Variants in FRMD4A observed in about 807,000 individuals in gnomAD.
The protein encoded by FRMD4A is FERM domain containing 4A, also known as FERM domain-containing protein 4A.
In FRMD4A, 29 loss-of-function variants were observed where a neutral mutation model predicts 129.1. That is an observed-to-expected ratio of 0.22 (90% CI 0.17 to 0.31). The LOEUF is 0.31. Among genes scored for constraint, FRMD4A ranks in the 10% least tolerant of loss-of-function variants. The pLI is 1.00. For missense variants in FRMD4A, 1,272 were observed against 1,375.8 expected, an observed-to-expected ratio of 0.92 and a Z score of 1.19; for synonymous variants, 634 against 571.6, an observed-to-expected ratio of 1.11 and a Z score of -1.56.
chr10:14,018,455 CAAAAAAAAA>C (rs71388151), intron 2 of FRMD4A, among the ~76,000 whole-genome samples: 5 of 59,274 alleles, frequency 8.4e-5, no homozygotes, highest in Non-Finnish European at 1.2e-4. Context: ...GACTCCATCT[CAAAAAAAAA>C]AAAAAAAAAA....
chr10:14,057,498 A>T (rs1174382360), intron 2 of FRMD4A, among the ~76,000 whole-genome samples: 1 of 152,200 alleles, frequency 6.6e-6, no homozygotes, highest in Non-Finnish European at 1.5e-5. Context: ...GTCAAGCAAG[A>T]CAAAAGTCAA....
chr10:14,043,444 T>G (rs552405088), intron 2 of FRMD4A, among the ~76,000 whole-genome samples: 1 of 152,240 alleles, frequency 6.6e-6, no homozygotes, highest in African/African-American at 2.4e-5. Flanking sequence ...TTTCACTCCC[T>G]GCCCACTGAT....
intron 2 of FRMD4A, among the ~76,000 whole-genome samples, chr10:14,162,641 G>GTTTTTTTTTTTTTTTTTTTTTTTTTTTT (rs71388160): frequency 1.7e-5 from 2 of 118,396 alleles, no homozygotes; most frequent in Admixed American, 9.0e-5. Context: ...TTTTTTTTTT[G>GTTTTTTTTTTTTTTTTTTTTTTTTTTTT]TTTTTTTTTT....
intron 2 of FRMD4A, among the ~76,000 whole-genome samples, chr10:14,048,857 GAATAGAATAGA>G (rs1565210994): frequency 7.7e-6 from 1 of 129,430 alleles, no homozygotes. Context: ...GAATAGAATA[GAATAGAATAGA>G]ATAGAATAGA....
intron 2 of FRMD4A, among the ~76,000 whole-genome samples, chr10:14,239,577 A>G (rs887598313): frequency 3.3e-5 from 5 of 152,076 alleles, no homozygotes; most frequent in African/African-American, 1.2e-4. Flanking sequence ...CAGTGAGCCG[A>G]GATTGCGCCA....
chr10:13,811,797 G>A (rs1056434456), intron 3 of FRMD4A, among the ~76,000 whole-genome samples: 1 of 151,940 alleles, frequency 6.6e-6, no homozygotes, highest in Non-Finnish European at 1.5e-5. Context: ...TCCAGGTCAT[G>A]CATTTGAAAA....
intron 2 of FRMD4A, among the ~76,000 whole-genome samples, chr10:14,051,154 C>T (rs966405038): frequency 6.6e-6 from 1 of 152,206 alleles, no homozygotes; most frequent in Non-Finnish European, 1.5e-5. Context: ...ATAGCCTAAC[C>T]AAAATGCAGT....
At chr10:14,180,548 A>G (rs144862054) in intron 2 of FRMD4A, among the ~76,000 whole-genome samples, 2 of 152,348 alleles carry the variant, frequency 1.3e-5, no homozygotes, top group Non-Finnish European at 2.9e-5. Context: ...CAAATGAGTG[A>G]GACTAGCCAA....
chr10:14,326,533 T>C (rs889642592), intron 2 of FRMD4A: 2 of 251,602 alleles, frequency 7.9e-6, no homozygotes, highest in Middle Eastern at 1.2e-3. Flanking sequence ...AGACACTTCA[T>C]TTATAGAAAA....
intron 2 of FRMD4A, among the ~76,000 whole-genome samples, chr10:13,968,950 T>A (rs760100610): frequency 2.0e-5 from 3 of 152,230 alleles, no homozygotes; most frequent in Non-Finnish European, 2.9e-5. Context: ...CTTGGCTCTT[T>A]CCTGTGAGAC....
intron 12 of FRMD4A, among the ~76,000 whole-genome samples, chr10:13,718,888 A>G (rs1005933569): frequency 2.6e-5 from 4 of 152,194 alleles, no homozygotes; most frequent in African/African-American, 7.2e-5. Context: ...TTCCTCAACC[A>G]GACTCAAATT....
chr10:13,671,444 ACT>A (rs1422533427), intron 16 of FRMD4A, among the ~76,000 whole-genome samples: 2 of 151,990 alleles, frequency 1.3e-5, no homozygotes, highest in Non-Finnish European at 2.9e-5. Context: ...ACAGATCGAG[ACT>A]CTGTTTATTA....
At chr10:14,139,042 T>C (rs1839697213) in intron 2 of FRMD4A, among the ~76,000 whole-genome samples, 1 of 152,234 alleles carries the variant, frequency 6.6e-6, no homozygotes, top group South Asian at 2.1e-4. Context: ...TCTAATGCAA[T>C]GAGTAGCATT....
At chr10:14,265,225 C>T (rs925281343) in intron 2 of FRMD4A, among the ~76,000 whole-genome samples, 1 of 152,162 alleles carries the variant, frequency 6.6e-6, no homozygotes, top group Non-Finnish European at 1.5e-5. Flanking sequence ...ATAGGACAAC[C>T]TAGAGTGTCA....
chr10:13,868,048 G>A (rs1554948101), intron 2 of FRMD4A, among the ~76,000 whole-genome samples: 2 of 149,734 alleles, frequency 1.3e-5, no homozygotes, highest in Non-Finnish European at 3.0e-5. Flanking sequence ...GAGCCCAGGA[G>A]TTCGAGACCA....
intron 2 of FRMD4A, among the ~76,000 whole-genome samples, chr10:13,984,780 G>A (rs1809305): frequency 0.3 from 45,172 of 152,022 alleles, 7,320 homozygotes; most frequent in East Asian, 0.6. Context: ...CGGGCACTTG[G>A]GTTGTTTCCA....
intron 2 of FRMD4A, chr10:14,008,473 C>A: frequency 6.0e-6 from 6 of 997,570 alleles, no homozygotes; most frequent in Non-Finnish European, 7.2e-6. Flanking sequence ...CGCTTGTGGG[C>A]AAGTGACGCG....
chr10:14,167,811 A>G (rs1312179326), intron 2 of FRMD4A, among the ~76,000 whole-genome samples: 1 of 152,084 alleles, frequency 6.6e-6, no homozygotes, highest in African/African-American at 2.4e-5. Context: ...GGAAAAGGAT[A>G]TGCCCACAGA....
intron 2 of FRMD4A, among the ~76,000 whole-genome samples, chr10:13,975,246 T>A (rs111163915): frequency 1.3e-5 from 2 of 151,394 alleles, no homozygotes; most frequent in Non-Finnish European, 3.0e-5. Context: ...TGTGCCTATC[T>A]CTGAGCCTCT....
Sources: gnomAD v4.1 joint callset for allele counts (sites outside exome capture counted in the v4.1 genomes callset) on GRCh38, gnomAD v4.1.1 for gene constraint, MANE v1.5 for transcripts, NCBI Gene and HGNC (gene_info 2026-07-23, HGNC 2026-07-21) for gene names.